The following CEP131 variants were observed in gnomAD, a reference collection of about 807,000 sequenced individuals.
CEP131 encodes the protein centrosomal protein of 131 kDa.
Under a neutral mutation model 136.8 loss-of-function variants are expected in CEP131, and 99 were observed. The observed-to-expected ratio is 0.72, with a 90% CI of 0.62 to 0.86. The LOEUF (loss-of-function observed/expected upper bound fraction) is 0.86, where lower values mean the gene tolerates loss of function less well. Ranked by LOEUF, CEP131 falls within the 40% of genes least tolerant of loss-of-function variation. The probability of loss-of-function intolerance (pLI) is 0.00; values close to 1 mark genes in which losing one functional copy is unlikely to be tolerated. For missense variants in CEP131, 1,459 were observed against 1,463.0 expected, an observed-to-expected ratio of 1.00 and a Z score of 0.04; for synonymous variants, 646 against 612.7, an observed-to-expected ratio of 1.05 and a Z score of -0.80.
At chr17:81,195,019 G>C in intron 16 of CEP131, 47 bp from the exon 17 acceptor site, 1 of 1,470,534 alleles carries the variant, frequency 6.8e-7, no homozygotes, top group Non-Finnish European at 9.4e-7. Flanking sequence ...GGACACCCCC[G>C]TCCCTTTGCC....
At position 81,202,559 on chromosome 17, in the gene CEP131, G is replaced by A. The variant is rs531846228; in HGVS notation, c.630-161C>T. 1.1e-3 allele frequency among the ~76,000 whole-genome samples: 173 copies of A among 152,330 alleles called. 1 individual carries two copies. Among genetic ancestry groups the A allele is most frequent in the Non-Finnish European group, 2.3e-3 (155 of 68,034 alleles). On this transcript the variant is annotated intron_variant, in intron 6 of 25. Coordinates refer to ENST00000450824, the MANE Select transcript of CEP131 (RefSeq NM_014984.4). ...GGGGGACAGCGGCAGGTGCGAGGCC[G>A]GCTCTCCCGTGCCACATCCTGGCCT...
At chr17:81,192,253 C>T (rs2061655794) in intron 21 of CEP131, 65 bp downstream of exon 21, 1 of 1,479,850 alleles carries the variant, frequency 6.8e-7, no homozygotes. Flanking sequence ...CCTGGGGCAG[C>T]CCCCAACTCC....
In CEP131 at chr17:81,206,779, G is replaced by A. The variant is rs145592120; in HGVS notation, c.480C>T (p.Thr160=). The part of the protein sequence containing the change: ...SPAGPRRKEC[T]VALAPNFTAN... ...CAGTGAAGTTGGGGGCCAGGGCCAC[G>A]GTGCATTCTTTCCTCCGCGGGCCCG... The change falls in exon 5 of 26, where the codon ACC becomes ACT. Residue 160 remains threonine (T), a synonymous_variant. Coordinates refer to ENST00000450824, the MANE Select transcript of CEP131 (RefSeq NM_014984.4). 9.9e-6 allele frequency: 16 copies of A among 1,614,122 alleles called. No individual in the cohort carries two copies. Among genetic ancestry groups the A allele is most frequent in the Admixed American group, 6.7e-5 (4 of 60,008 alleles).
rs1322242531 is a variant in CEP131, at chr17:81,211,989, T to C, written c.178-2967A>G. On this transcript the variant is annotated intron_variant, in intron 2 of 25. Transcript: ENST00000450824. ...ATCAGCAAAGAACATGGACAATTCA[T>C]AGAAAAGGAAATATACACGGCTCTT... Among the ~76,000 whole-genome samples, 3 of 143,772 alleles carry C rather than the reference T, an allele frequency of 2.1e-5. No individual in the cohort carries two copies. The East Asian group carries it at 6.1e-4, about 29-fold the overall frequency. 94.3% of individuals were successfully genotyped at this position (143,772 alleles called of 152,430 possible). A position where few individuals can be genotyped will look rare whatever the true frequency, so the allele number is the denominator to read the frequency against.
chr17:81,202,435 C>T, intron 6 of CEP131, 37 bp from the exon 7 acceptor site: 5 of 1,599,682 alleles, frequency 3.1e-6, no homozygotes, highest in Non-Finnish European at 4.3e-6. Flanking sequence ...GTCTCACCGC[C>T]CAGGGGAACA....
In CEP131 at chr17:81,191,332, C is replaced by G. The variant is rs1055892240; in HGVS notation, c.2626G>C (p.Ala876Pro). Reference sequence around the variant, plus strand: ...TCCTGTTCCCGGTTCAGCAGCCACGCCTCCTGGGGGGACATGCGCTGCCTG... The same window carrying G: ...TCCTGTTCCCGGTTCAGCAGCCACGGCTCCTGGGGGGACATGCGCTGCCTG... Reference protein sequence around the residue: ...WEAGRTRKEEAWLLNREQELR... With the variant: ...WEAGRTRKEEPWLLNREQELR... Residue 876 changes from alanine to proline, a missense_variant, in exon 22 of 26, where the codon GCG (alanine) becomes CCG (proline). This residue lies in a region of CEP131 where 1,026 missense variants were observed against 964.2 expected (regional missense o/e 1.06). Coordinates refer to ENST00000450824, the MANE Select transcript of CEP131 (RefSeq NM_014984.4). 1 of 1,613,058 alleles carries G rather than the reference C, an allele frequency of 6.2e-7. No individual in the cohort carries two copies. The highest frequency in any genetic ancestry group is 8.5e-7 in the Non-Finnish European group (1 of 1,179,928).
At position 81,191,264 on chromosome 17, in the gene CEP131, C is replaced by T; in HGVS notation, c.2694G>A (p.Glu898=). 1 of 1,613,550 alleles carries T rather than the reference C, an allele frequency of 6.2e-7. No homozygotes were observed. Among genetic ancestry groups the T allele is most frequent in the Non-Finnish European group, 8.5e-7 (1 of 1,179,968 alleles). ...CGGCCTCCAGCCGGTGAATGACCAG[C>T]TCAATCTCCTTGTCCCGGCCTTTCC... ...EIRKGRDKEI[E]LVIHRLEADM... is the part of the protein sequence containing the mutation. Residue 898 remains glutamate, a synonymous_variant, in exon 22 of 26, where the codon GAG becomes GAA. Transcript: ENST00000450824.
rs778063233 is a variant in CEP131, at chr17:81,190,725, G to A, written c.3021C>T (p.Ala1007=). 18 of 1,610,746 alleles carry A rather than the reference G, an allele frequency of 1.1e-5. No individual in the cohort carries two copies. Among genetic ancestry groups the A allele is most frequent in the East Asian group, 6.7e-5 (3 of 44,846 alleles). ...TGGCCTGCCGCGTCTCCTCCTCAGAGGCTGCCAGCCGGTCCTCGAACTCCT... is the reference window on the plus strand; with the variant it reads ...TGGCCTGCCGCGTCTCCTCCTCAGAAGCTGCCAGCCGGTCCTCGAACTCCT... ...IRQEFEDRLA[A]SEEETRQAKA... The change falls in exon 24 of 26, where the codon GCC becomes GCT. Residue 1007 remains alanine (A), a synonymous_variant. Coordinates refer to ENST00000450824, the MANE Select transcript of CEP131 (RefSeq NM_014984.4).
chr17:81,191,114 C>A, intron 22 of CEP131, 30 bp from the exon 23 acceptor site: 1 of 1,602,456 alleles, frequency 6.2e-7, no homozygotes, highest in Admixed American at 1.7e-5. Flanking sequence ...AGGGTCACTC[C>A]AGCCCAGTCA....
At chr17:81,221,137 A>AC (rs1555617453) in intron 1 of CEP131, among the ~76,000 whole-genome samples, 16 of 151,348 alleles carry the variant, frequency 1.1e-4, no homozygotes, top group Admixed American at 4.0e-4. Context: ...AAAAAAAAAA[A>AC]AAAAAAAAAC....
At position 81,197,897 on chromosome 17, in the gene CEP131, C is replaced by G; in HGVS notation, c.1471-9G>C. 1 of 1,608,686 alleles carries G rather than the reference C, an allele frequency of 6.2e-7. No individual in the cohort carries two copies. The highest frequency in any genetic ancestry group is 1.7e-5 in the Admixed American group (1 of 59,868). On this transcript the variant is annotated splice_polypyrimidine_tract_variant and intron_variant, in intron 12 of 25. Coordinates refer to ENST00000450824, the MANE Select transcript of CEP131 (RefSeq NM_014984.4). ...GAGCTGGCGTCATCCTCCTGTGGGACAGGAGCCCAGCATCGGGGGCTGTCA... is the reference window on the plus strand; with the variant it reads ...GAGCTGGCGTCATCCTCCTGTGGGAGAGGAGCCCAGCATCGGGGGCTGTCA...
Position 81,208,959 on chromosome 17 carries a change from G to T in CEP131, c.241C>A (p.Gln81Lys), listed in dbSNP as rs770081394. 1.2e-6 allele frequency: 2 copies of T among 1,613,912 alleles called. No individual in the cohort carries two copies. The highest frequency in any genetic ancestry group is 2.2e-5 in the East Asian group (1 of 44,884). Reference sequence around the variant, plus strand: ...GAGCCGCTCCGAGGCTGGCTGACCTGCGTGGTGCTGTTGGATCTTCTAAGG... The same window carrying T: ...GAGCCGCTCCGAGGCTGGCTGACCTTCGTGGTGCTGTTGGATCTTCTAAGG... ...NNLRRSNSTTQVSQPRSGSPR... is the reference protein window; with the variant it reads ...NNLRRSNSTTKVSQPRSGSPR... The change falls in exon 3 of 26, where the codon CAG (glutamine) becomes AAG (lysine). Residue 81 changes from glutamine (Q) to lysine (K), a missense_variant. Coordinates refer to ENST00000450824, the MANE Select transcript of CEP131 (RefSeq NM_014984.4). This position sits in a 1 kb window ranked among gnomAD's most constrained non-coding sequence, Gnocchi z 5.6.
At chr17:81,193,473 G>A (rs1383863534) in intron 18 of CEP131, among the ~76,000 whole-genome samples, 2 of 152,140 alleles carry the variant, frequency 1.3e-5, no homozygotes, top group African/African-American at 2.4e-5. Context: ...CACTGGGCAC[G>A]TCCCCAGCCC....
chr17:81,220,228 G>T (rs551741621), intron 1 of CEP131, among the ~76,000 whole-genome samples, 155 bp from the exon 2 acceptor site: 1 of 152,224 alleles, frequency 6.6e-6, no homozygotes, highest in African/African-American at 2.4e-5. Flanking sequence ...CTGGTGGCAG[G>T]CTCCTCGACA....
chr17:81,194,202 G>A, intron 17 of CEP131, 75 bp from the exon 18 acceptor site: 1 of 1,361,298 alleles, frequency 7.3e-7, no homozygotes, highest in African/African-American at 1.5e-5. Context: ...CACAAGACCA[G>A]CCTGTCTCAG....
In CEP131 at chr17:81,217,780, C is replaced by T. The variant is rs561093427; in HGVS notation, c.177+2100G>A. 2.6e-4 allele frequency among the ~76,000 whole-genome samples: 39 copies of T among 152,194 alleles called. No individual in the cohort carries two copies. The South Asian group carries it at 8.1e-3, about 32-fold the overall frequency. ...TGCGGGAGCGGGCAATGGTACCAGCCGAGGAAAGGAGGGATCGATATGAGT... is the reference window on the plus strand; with the variant it reads ...TGCGGGAGCGGGCAATGGTACCAGCTGAGGAAAGGAGGGATCGATATGAGT... On this transcript the variant is annotated intron_variant, in intron 2 of 25. Transcript: ENST00000450824.
chr17:81,203,995 C>T lies in CEP131; in HGVS notation c.516-388G>A, dbSNP rs570277382. 1.6e-3 allele frequency: 299 copies of T among 190,288 alleles called. 1 individual carries two copies. Among genetic ancestry groups the T allele is most frequent in the African/African-American group, 6.2e-3 (264 of 42,826 alleles). The allele number at this position is 190,288 out of a possible 1,614,324, so 11.8% of individuals were successfully genotyped here. A position where few individuals can be genotyped will look rare whatever the true frequency, so the allele number is the denominator to read the frequency against. On this transcript the variant is annotated intron_variant, in intron 5 of 25. Transcript: ENST00000450824. The surrounding 1 kb of genome is among the most constrained non-coding windows in gnomAD (Gnocchi z 4.6). ...CTCTGCCTCTGCCCCTCCGCAGACC[C>T]GCAGGAAGGCGGGAGGACAGGACCA...
Position 81,190,764 on chromosome 17 carries a change from G to T in CEP131, c.2982C>A (p.Ala994=). The T allele has an allele frequency of 6.2e-7, 1 of 1,612,016 alleles. No homozygotes were observed. ...EQLSSERSNL[A]QVIRQEFEDR... is the part of the protein sequence containing the mutation. ...CCTCGAACTCCTGGCGGATCACCTG[G>T]GCCAGGTTGCTGCGCTCGCTAGAAA... Residue 994 remains alanine, a synonymous_variant, in exon 24 of 26, where the codon GCC becomes GCA. Coordinates refer to ENST00000450824, the MANE Select transcript of CEP131 (RefSeq NM_014984.4).
chr17:81,196,975 C>G lies in CEP131; in HGVS notation c.1728G>C (p.Glu576Asp), dbSNP rs2061770971. Residue 576 changes from glutamate (E) to aspartate (D), a missense_variant, in exon 14 of 26, where the codon GAG (glutamate) becomes GAC (aspartate). Physicochemically the swap from Glu to Asp is conservative, Grantham distance 45. Coordinates refer to ENST00000450824, the MANE Select transcript of CEP131 (RefSeq NM_014984.4). ...VSTSVMRLKL[E>D]VEEKKQAMLL... is the part of the protein sequence containing the mutation. ...GCATGGCCTGCTTCTTCTCCTCCACCTCCAGCTTCAGCCGCATCACAGACG... is the reference window on the plus strand; with the variant it reads ...GCATGGCCTGCTTCTTCTCCTCCACGTCCAGCTTCAGCCGCATCACAGACG... 2.5e-6 allele frequency: 4 copies of G among 1,607,704 alleles called. No individual in the cohort carries two copies. The highest frequency in any genetic ancestry group is 2.5e-6 in the Non-Finnish European group (3 of 1,177,612).
Sources: allele counts gnomAD v4.1 joint callset (sites outside exome capture counted in the v4.1 genomes callset), GRCh38; gene constraint gnomAD v4.1.1; regional missense constraint gnomAD v4.1.1; non-coding constraint Gnocchi (gnomAD v3.1); transcripts MANE v1.5; gene names NCBI Gene and HGNC (gene_info 2026-07-23, HGNC 2026-07-21).